MEGF10: variants seen among roughly 807,000 people sequenced by gnomAD.
The protein encoded by MEGF10 is multiple epidermal growth factor-like domains protein 10.
A neutral mutation model predicts 147.5 loss-of-function variants in MEGF10; 86 were observed. That is an observed-to-expected ratio of 0.58 (90% CI 0.49 to 0.70). The LOEUF (loss-of-function observed/expected upper bound fraction) is 0.70, where lower values mean the gene tolerates loss of function less well. Ranked by LOEUF, MEGF10 falls within the 30% of genes least tolerant of loss-of-function variation. MEGF10 has a pLI of 0.00. For missense variants in MEGF10, 1,329 were observed against 1,487.3 expected (o/e 0.89, Z 1.75); for synonymous variants, 478 against 525.5 (o/e 0.91, Z 1.24).
intron 5 of MEGF10, among the ~76,000 whole-genome samples, chr5:127,385,931 C>G (rs1763412031): frequency 6.6e-6 from 1 of 152,130 alleles, no homozygotes; most frequent in South Asian, 2.1e-4. Context: ...GTAGTGAGAC[C>G]TTGTCTCTAC....
intron 4 of MEGF10, among the ~76,000 whole-genome samples, chr5:127,361,663 A>G (rs1331162501): frequency 6.6e-6 from 1 of 152,154 alleles, no homozygotes; most frequent in Non-Finnish European, 1.5e-5. Context: ...ATTTGGTGCT[A>G]TAAAATTTCC....
chr5:127,410,384 G>T lies in MEGF10; in HGVS notation c.918-5G>T, dbSNP rs1764507643. On this transcript the variant is annotated splice_polypyrimidine_tract_variant and splice_region_variant and intron_variant, in intron 8 of 24. Coordinates refer to ENST00000503335, the MANE Select transcript of MEGF10 (RefSeq NM_001256545.2). ...TTCTTCTTGCTCCTGCCTCTTGCTT[G>T]GTAGGTGCCAGGATGAGTGTCCTGT... The T allele has an allele frequency of 3.7e-6, 6 of 1,613,556 alleles. No individual in the cohort carries two copies. The African/African-American group carries it at 6.7e-5, about 18-fold the overall frequency.
chr5:127,242,336 G>C, the MEGF10 span, among the ~76,000 whole-genome samples: 10 of 152,056 alleles, frequency 6.6e-5, no homozygotes, highest in Non-Finnish European at 1.5e-4. Context: ...CTTACATTGG[G>C]AATACTCTTC....
chr5:127,281,658 C>T, the MEGF10 span, among the ~76,000 whole-genome samples: 1 of 152,172 alleles, frequency 6.6e-6, no homozygotes, highest in South Asian at 2.1e-4. Flanking sequence ...AAGGAAAGGA[C>T]AGGCATCTGC....
intron 5 of MEGF10, among the ~76,000 whole-genome samples, chr5:127,387,585 G>A (rs529363557): frequency 7.9e-5 from 12 of 152,266 alleles, no homozygotes; most frequent in Admixed American, 2.6e-4. Context: ...ACTTCTTTGG[G>A]GTGTTCAGCG....
In MEGF10 at chr5:127,438,166, T is replaced by C. The variant is rs577000003; in HGVS notation, c.2105-273T>C. Among the ~76,000 whole-genome samples, 333 of 152,314 alleles carry C rather than the reference T, an allele frequency of 2.2e-3. 3 individuals are homozygous for C. The highest frequency in any genetic ancestry group is 0.01 in the Middle Eastern group (3 of 294). ...AATAGGTGTTGAATATGTGTTTGTT[T>C]AATAACTGAATCTGTAAACTTGAGG... On this transcript the variant is annotated intron_variant, in intron 16 of 24. Coordinates refer to ENST00000503335, the MANE Select transcript of MEGF10 (RefSeq NM_001256545.2).
the MEGF10 span, among the ~76,000 whole-genome samples, chr5:127,254,047 A>G: frequency 6.6e-6 from 1 of 152,088 alleles, no homozygotes; most frequent in Admixed American, 6.6e-5. Flanking sequence ...CTAGCTTCTG[A>G]TTCCCATTTC....
intron 7 of MEGF10, among the ~76,000 whole-genome samples, chr5:127,401,859 G>A (rs1005607784): frequency 3.9e-5 from 6 of 152,140 alleles, no homozygotes; most frequent in Admixed American, 2.0e-4. Context: ...AAATATCCAC[G>A]TTACTCTCTT....
intron 1 of MEGF10, among the ~76,000 whole-genome samples, chr5:127,297,395 C>T (rs1406596371): frequency 1.3e-5 from 2 of 152,082 alleles, no homozygotes. Flanking sequence ...TAAAATATCT[C>T]ATGTAACCCA....
At chr5:127,306,313 C>T (rs528173201) in intron 1 of MEGF10, among the ~76,000 whole-genome samples, 1 of 152,184 alleles carries the variant, frequency 6.6e-6, no homozygotes, top group African/African-American at 2.4e-5. Flanking sequence ...AGGATGGCAA[C>T]CAAGTCCTGA....
Position 127,390,958 on chromosome 5 carries a change from A to G in MEGF10, c.413-5574A>G, listed in dbSNP as rs1356465857. ...ATAGCACCTGTTTCATAGGGTCACT[A>G]TGAGAGTTAATCTATCACGATGCTT... is the stretch of plus-strand genomic sequence containing the variant. On this transcript the variant is annotated intron_variant, in intron 5 of 24. Coordinates refer to ENST00000503335, the MANE Select transcript of MEGF10 (RefSeq NM_001256545.2). Among the ~76,000 whole-genome samples, 13 of 152,264 alleles carry G rather than the reference A, an allele frequency of 8.5e-5. No homozygotes were observed. The East Asian group carries it at 1.7e-3, about 20-fold the overall frequency.
At chr5:127,245,985 GA>G in the MEGF10 span, among the ~76,000 whole-genome samples, 2 of 152,178 alleles carry the variant, frequency 1.3e-5, no homozygotes, top group African/African-American at 4.8e-5. Context: ...GGAGTAATAG[GA>G]ATGCTTTTTC....
intron 7 of MEGF10, among the ~76,000 whole-genome samples, chr5:127,401,091 A>G (rs1484906349): frequency 6.6e-6 from 1 of 152,176 alleles, no homozygotes; most frequent in African/African-American, 2.4e-5. Context: ...ATGTGGGACC[A>G]TTGTGGGTAG....
Position 127,348,874 on chromosome 5 carries a change from A to G in MEGF10, c.319+8244A>G, listed in dbSNP as rs1488773907. Among the ~76,000 whole-genome samples the G allele has an allele frequency of 2.6e-5, 4 of 152,280 alleles. No individual in the cohort carries two copies. In the East Asian group the frequency reaches 7.7e-4, roughly 29 times the overall value. ...CTGACAAACCTTCCCATATACTTAA[A>G]TAATTTTTGTAAATCTAATAAGCCC... On this transcript the variant is annotated intron_variant, in intron 4 of 24. Transcript: ENST00000503335.
intron 15 of MEGF10, 40 bp from the exon 16 acceptor site, chr5:127,435,321 G>A (rs1283482638): frequency 6.2e-7 from 1 of 1,609,882 alleles, no homozygotes; most frequent in Non-Finnish European, 8.5e-7. Context: ...CTGCGAGAGG[G>A]GTTTTGATTG....
At chr5:127,266,249 C>T in the MEGF10 span, among the ~76,000 whole-genome samples, 2 of 151,728 alleles carry the variant, frequency 1.3e-5, no homozygotes, top group African/African-American at 2.4e-5. Flanking sequence ...GGTGTTATTT[C>T]TGAGGCCTCT....
the MEGF10 span, among the ~76,000 whole-genome samples, chr5:127,241,636 A>G: frequency 6.6e-6 from 1 of 152,138 alleles, no homozygotes; most frequent in African/African-American, 2.4e-5. Flanking sequence ...TGGTTCAAGG[A>G]CTATTAGTTT....
rs113117700 is a variant in MEGF10 at position 127,425,619 on chromosome 5, AT to A, written c.1693+2858del. 3.8e-3 allele frequency among the ~76,000 whole-genome samples: 570 copies of A among 148,082 alleles called. 5 individuals are homozygous for A. Among genetic ancestry groups the A allele is most frequent in the African/African-American group, 0.012 (482 of 40,490 alleles). ...CTACAATTGGACCAAGAATTGGCTT[AT>A]TTTTTTTTTTAAAGAAAGAGCAGCT... On this transcript the variant is annotated intron_variant, in intron 13 of 24. Transcript: ENST00000503335.
the MEGF10 span, among the ~76,000 whole-genome samples, chr5:127,264,395 T>C: frequency 1.3e-5 from 2 of 152,186 alleles, no homozygotes; most frequent in Non-Finnish European, 2.9e-5. Flanking sequence ...TGTTACATTT[T>C]GATAGCACTG....
Sources: allele counts gnomAD v4.1 joint callset (sites outside exome capture counted in the v4.1 genomes callset), GRCh38; gene constraint gnomAD v4.1.1; transcripts MANE v1.5; gene names NCBI Gene and HGNC (gene_info 2026-07-23, HGNC 2026-07-21).